The following PIR variants were observed in gnomAD, a reference collection of about 807,000 sequenced individuals.
PIR encodes pirin (iron-binding nuclear protein).
In PIR, 22 loss-of-function variants were observed where a neutral mutation model predicts 24.2. The observed-to-expected ratio is 0.91, with a 90% confidence interval of 0.65 to 1.30. The LOEUF (loss-of-function observed/expected upper bound fraction) is 1.30. Among genes scored for constraint, PIR ranks in the 50% most tolerant of loss-of-function variants. PIR has a pLI of 0.00. For synonymous variants in PIR, 80 were observed against 79.6 expected (o/e 1.00, Z -0.03); for missense variants, 220 against 220.3 (o/e 1.00, Z 0.01).
chrX:15,465,218 T>C (rs186744903), intron 3 of PIR, among the ~76,000 whole-genome samples: 46 of 111,590 alleles, frequency 4.1e-4, no homozygotes, highest in African/African-American at 1.5e-3. Flanking sequence ...TGAAGTTTTA[T>C]TGAATTCAAA....
At chrX:15,457,818 G>A (rs1372157474) in intron 4 of PIR, among the ~76,000 whole-genome samples, 1 of 112,237 alleles carries the variant, frequency 8.9e-6, no homozygotes, top group Non-Finnish European at 1.9e-5. Context: ...ACTACAGCCT[G>A]GGGGCCCAAT....
chrX:15,430,186 C>A (rs773276141), intron 5 of PIR, among the ~76,000 whole-genome samples: 6 of 111,484 alleles, frequency 5.4e-5, no homozygotes, highest in African/African-American at 1.6e-4. Flanking sequence ...ATGCACAGAG[C>A]TAATGCACTC....
At chrX:15,451,795 A>C (rs949537221) in intron 5 of PIR, among the ~76,000 whole-genome samples, 1 of 112,404 alleles carries the variant, frequency 8.9e-6, no homozygotes, top group African/African-American at 3.2e-5. Context: ...GAATATACAG[A>C]CTGTCCATCA....
chrX:15,485,657 T>C (rs777724707), intron 2 of PIR, among the ~76,000 whole-genome samples: 205 of 111,995 alleles, frequency 1.8e-3, no homozygotes, highest in African/African-American at 6.3e-3. Flanking sequence ...GAAGGATGAA[T>C]TGATTATCTT....
chrX:15,484,306 CTTTTTTTTTTTTT>C (rs1193474348), intron 2 of PIR, among the ~76,000 whole-genome samples: 2 of 67,485 alleles, frequency 3.0e-5, no homozygotes, highest in African/African-American at 5.5e-5. Flanking sequence ...TCTCAATTTT[CTTTTTTTTTTTTT>C]TTTTTTTTTT....
chrX:15,450,740 T>C (rs760030157), intron 5 of PIR, among the ~76,000 whole-genome samples: 1 of 112,310 alleles, frequency 8.9e-6, no homozygotes, highest in Non-Finnish European at 1.9e-5. Context: ...CCCACTGCCG[T>C]TTGCATGTGC....
intron 4 of PIR, among the ~76,000 whole-genome samples, chrX:15,458,161 T>G (rs746196004): frequency 8.9e-6 from 1 of 112,202 alleles, no homozygotes; most frequent in African/African-American, 3.2e-5. Flanking sequence ...TTGGTTATCC[T>G]TTTTAGATAT....
intron 4 of PIR, among the ~76,000 whole-genome samples, chrX:15,457,048 T>C (rs920898408): frequency 9.0e-6 from 1 of 111,453 alleles, no homozygotes; most frequent in African/African-American, 3.3e-5. Flanking sequence ...AGTGAGAGAG[T>C]AGGGAAGAGT....
chrX:15,423,353 C>G (rs1037374728), intron 6 of PIR, among the ~76,000 whole-genome samples: 1 of 112,396 alleles, frequency 8.9e-6, no homozygotes, highest in Non-Finnish European at 1.9e-5. Context: ...CGGTGGCTCA[C>G]GCCTGTAATC....
At chrX:15,422,333 A>G (rs1237381184) in intron 6 of PIR, among the ~76,000 whole-genome samples, 2 of 63,000 alleles carry the variant, frequency 3.2e-5, no homozygotes, top group African/African-American at 1.3e-4. Flanking sequence ...TAGGCAAGAG[A>G]AAAAAAAAAA....
chrX:15,483,585 A>G (rs767203429), intron 2 of PIR, among the ~76,000 whole-genome samples: 62 of 111,764 alleles, frequency 5.5e-4, no homozygotes, highest in Non-Finnish European at 3.2e-4. Context: ...AAATCAACCA[A>G]GCAAATTTGT....
chrX:15,454,300 C>T (rs928638092), intron 5 of PIR, among the ~76,000 whole-genome samples: 1 of 110,936 alleles, frequency 9.0e-6, no homozygotes, highest in Non-Finnish European at 1.9e-5. Context: ...GTCACAGAAA[C>T]ACAACAAAGG....
intron 8 of PIR, among the ~76,000 whole-genome samples, chrX:15,396,507 C>T (rs112639334): frequency 0.024 from 2,683 of 111,252 alleles, 81 homozygotes; most frequent in African/African-American, 0.081. Flanking sequence ...ACAATTTTCT[C>T]CTCAATCCTC....
intron 2 of PIR, among the ~76,000 whole-genome samples, chrX:15,488,615 C>A (rs1276422769): frequency 8.9e-6 from 1 of 111,866 alleles, no homozygotes; most frequent in Non-Finnish European, 1.9e-5. Context: ...TCTATATAAT[C>A]CCATGATGTA....
intron 3 of PIR, among the ~76,000 whole-genome samples, chrX:15,475,627 G>A (rs766078711): frequency 1.8e-5 from 2 of 111,974 alleles, no homozygotes; most frequent in African/African-American, 6.5e-5. Flanking sequence ...AACGGAGTCC[G>A]ATCTATAAGT....
Position 15,482,927 on chromosome X carries a change from T to C in PIR, c.97-3106A>G, listed in dbSNP as rs754262110. ...GTATTCATTCGATTACCATTATGGCTATGAAACTATTCAGATTTTCCATTT... is the reference window on the plus strand; with the variant it reads ...GTATTCATTCGATTACCATTATGGCCATGAAACTATTCAGATTTTCCATTT... On this transcript the variant is annotated intron_variant, in intron 2 of 9. Transcript: ENST00000380420. Among the ~76,000 whole-genome samples, 50 of 111,042 alleles carry C rather than the reference T, an allele frequency of 4.5e-4. 1 individual carries two copies. The South Asian group carries it at 0.018, about 41-fold the overall frequency.
chrX:15,425,826 A>T, intron 6 of PIR, 80 bp downstream of exon 6: 1 of 565,531 alleles, frequency 1.8e-6, no homozygotes, highest in Non-Finnish European at 3.0e-6. Context: ...AGCACATTCC[A>T]GGCAAAACAG....
At chrX:15,488,846 G>T (rs1227159135) in intron 2 of PIR, among the ~76,000 whole-genome samples, 1 of 111,199 alleles carries the variant, frequency 9.0e-6, no homozygotes, top group Non-Finnish European at 1.9e-5. Flanking sequence ...ACTCAGAGGG[G>T]TTGTAAACTT....
chrX:15,434,207 GAGGAGAAAGAAGAAGA>G (rs1259922255), intron 5 of PIR, among the ~76,000 whole-genome samples: 2 of 94,562 alleles, frequency 2.1e-5, no homozygotes, highest in Non-Finnish European at 4.2e-5. Context: ...GAAGAAGGAG[GAGGAGAAAGAAGAAGA>G]AGGAGATAGA....
Sources: gnomAD v4.1 joint callset for allele counts (sites outside exome capture counted in the v4.1 genomes callset) on GRCh38, gnomAD v4.1.1 for gene constraint, MANE v1.5 for transcripts, NCBI Gene and HGNC (gene_info 2026-07-23, HGNC 2026-07-21) for gene names.